PDE4DIP: variants seen among roughly 807,000 people sequenced by gnomAD.
PDE4DIP encodes phosphodiesterase 4D interacting protein.
Under a neutral mutation model 221.4 loss-of-function variants are expected in PDE4DIP, and 59 were observed. The ratio of observed to expected loss-of-function variants is 0.27; its 90% CI spans 0.22 to 0.33. PDE4DIP has a LOEUF of 0.33. PDE4DIP is among the 10% of genes least tolerant of loss of function. The probability of loss-of-function intolerance (pLI) is 1.00; values close to 1 mark genes in which losing one functional copy is unlikely to be tolerated. For missense variants in PDE4DIP, 1,036 were observed against 2,154.2 expected (o/e 0.48, Z 10.28); for synonymous variants, 404 against 815.9 (o/e 0.50, Z 8.60).
At chr1:149,001,924 T>C (rs782588727) in exon 24 of PDE4DIP, 3 of 1,604,304 alleles carry the variant, frequency 1.9e-6, no homozygotes, top group East Asian at 2.2e-5. Flanking sequence ...TTGGTTCCCC[T>C]GGGAAGCACC....
At chr1:148,933,559 TCAA>T (rs1325271710) in intron 4 of PDE4DIP, among the ~76,000 whole-genome samples, 3 of 152,188 alleles carry the variant, frequency 2.0e-5, no homozygotes, top group African/African-American at 4.8e-5. Flanking sequence ...AATAGATAAT[TCAA>T]CAACAACAAA....
At chr1:148,985,954 A>C (rs2061842504) in intron 21 of PDE4DIP, 1 of 152,208 alleles carries the variant, frequency 6.6e-6, no homozygotes, top group Non-Finnish European at 1.5e-5. Context: ...CATAGCTCCA[A>C]GATATTGACC....
intron 27 of PDE4DIP, among the ~76,000 whole-genome samples, chr1:149,006,118 G>C (rs1368690785): frequency 2.6e-5 from 4 of 151,968 alleles, no homozygotes; most frequent in Non-Finnish European, 5.9e-5. Context: ...GGGTGACAGA[G>C]CAAGAGTCTG....
intron 3 of PDE4DIP, 91 bp from the exon 7 acceptor site, chr1:148,932,022 T>C: frequency 1.5e-6 from 1 of 683,616 alleles, no homozygotes; most frequent in South Asian, 1.8e-5. Flanking sequence ...CGTCTCTACT[T>C]TCCCTCTGAA....
rs782423417 is a variant in PDE4DIP at position 148,968,832 on chromosome 1, T to C, written c.1786-4T>C. On this transcript the variant is annotated splice_region_variant and splice_polypyrimidine_tract_variant and intron_variant, in intron 13 of 43. Transcript: ENST00000369354. ...AGAAGCTTACAGTGTCCTTTCTGCA[T>C]TAGGATCTTAGTGCAACACTGCTCT... 8.1e-6 allele frequency: 13 copies of C among 1,604,960 alleles called. No homozygotes were observed. The highest frequency in any genetic ancestry group is 4.0e-5 in the African/African-American group (3 of 74,714).
At chr1:148,944,872 GA>G (rs1236887856) in intron 5 of PDE4DIP, among the ~76,000 whole-genome samples, 4 of 151,746 alleles carry the variant, frequency 2.6e-5, no homozygotes, top group Non-Finnish European at 1.5e-5. Context: ...CTCCGTCTCG[GA>G]AAAAAACAAA....
intron 5 of PDE4DIP, among the ~76,000 whole-genome samples, chr1:148,954,173 T>C (rs1553499105): frequency 2.0e-5 from 3 of 152,222 alleles, no homozygotes; most frequent in Non-Finnish European, 4.4e-5. Flanking sequence ...TAAAGATTCC[T>C]ACTTCACTTT....
chr1:148,948,620 C>A (rs587776191), intron 5 of PDE4DIP, among the ~76,000 whole-genome samples: 52 of 152,076 alleles, frequency 3.4e-4, no homozygotes, highest in Non-Finnish European at 7.2e-4. Context: ...CCAAAGAAAT[C>A]CCTCAAATTA....
At chr1:149,031,595 T>C (rs76158683) in intron 43 of PDE4DIP, among the ~76,000 whole-genome samples, 6 of 140,618 alleles carry the variant, frequency 4.3e-5, no homozygotes, top group Non-Finnish European at 7.7e-5. Flanking sequence ...GCATGTTTCA[T>C]GCTAAGCACT....
At chr1:149,018,614 G>A in exon 35 of PDE4DIP, 1 of 1,613,460 alleles carries the variant, frequency 6.2e-7, no homozygotes. Flanking sequence ...AGAGTCCTCA[G>A]GGAAGACAAT....
chr1:148,887,370 A>AC (rs1696461156), upstream of PDE4DIP, among the ~76,000 whole-genome samples: 4 of 150,904 alleles, frequency 2.7e-5, no homozygotes. Flanking sequence ...TAATCCCAGC[A>AC]CTTTGGGAGG....
chr1:148,981,127 C>A lies in PDE4DIP; in HGVS notation c.2688-143C>A. Reference sequence around the variant, plus strand: ...GAACACAAATGCCACACAAAGACTACATTCATTTATTGTGTCCTGGAGAAC... The same window carrying A: ...GAACACAAATGCCACACAAAGACTAAATTCATTTATTGTGTCCTGGAGAAC... On this transcript the variant is annotated intron_variant, in intron 20 of 43. Transcript: ENST00000369354. 4.1e-6 allele frequency: 3 copies of A among 731,504 alleles called. No individual in the cohort carries two copies. In the Admixed American group the frequency reaches 6.6e-5, roughly 16 times the overall value. 45.3% of individuals were successfully genotyped at this position (731,504 alleles called of 1,614,324 possible). A position where few individuals can be genotyped will look rare whatever the true frequency, so the allele number is the denominator to read the frequency against.
exon 19 of PDE4DIP, chr1:148,978,367 T>C: frequency 3.1e-6 from 5 of 1,612,070 alleles, no homozygotes; most frequent in Non-Finnish European, 3.4e-6. Flanking sequence ...AAAAAGTTGC[T>C]TCAGTAGAAT....
intron 1 of PDE4DIP, among the ~76,000 whole-genome samples, chr1:148,927,443 T>C (rs641666): frequency 0.015 from 2,339 of 151,718 alleles, 48 homozygotes; most frequent in Non-Finnish European, 0.024. Flanking sequence ...ATATCTAAAC[T>C]AGGTTTCTAC....
rs147670655 is a variant in PDE4DIP, at chr1:149,010,512, G to A, written c.4997G>A (p.Gly1666Glu). The A allele has an allele frequency of 2.0e-5, 33 of 1,612,802 alleles. No individual in the cohort carries two copies. The African/African-American group carries it at 3.3e-4, about 16-fold the overall frequency. Reference sequence around the variant, plus strand: ...CCATCATCAACCAGTGCATCTCAGGGGGCTAAGGCCGAATCCAACAGCAAC... The same window carrying A: ...CCATCATCAACCAGTGCATCTCAGGAGGCTAAGGCCGAATCCAACAGCAAC... The change falls in exon 31 of 44, where the codon GGG becomes GAG. Residue 1666 changes from glycine to glutamate, a missense_variant. Gly to Glu is a moderately conservative substitution (Grantham distance 98, BLOSUM62 -2). Transcript: ENST00000369354.
chr1:148,981,372 G>T (rs1553542887), exon 21 of PDE4DIP: 7 of 1,613,944 alleles, frequency 4.3e-6, no homozygotes, highest in Admixed American at 1.7e-5. Context: ...GCTTAAACAG[G>T]CTGGAGACCC....
chr1:148,889,156 T>C (rs1697272240), upstream of PDE4DIP, among the ~76,000 whole-genome samples: 1 of 152,174 alleles, frequency 6.6e-6, no homozygotes, highest in South Asian at 2.1e-4. Flanking sequence ...ATATTTGACA[T>C]GCGGTTACCT....
intron 43 of PDE4DIP, chr1:149,030,740 C>A (rs1553636334): frequency 2.0e-6 from 2 of 985,250 alleles, no homozygotes; most frequent in Non-Finnish European, 2.4e-6. Context: ...TTAAGAACAG[C>A]AATTTGATTT....
intron 20 of PDE4DIP, among the ~76,000 whole-genome samples, chr1:148,980,423 G>T (rs782091169): frequency 6.6e-6 from 1 of 152,046 alleles, no homozygotes; most frequent in Non-Finnish European, 1.5e-5. Context: ...GGCTATAATG[G>T]GCACTGATAT....
Sources: allele counts gnomAD v4.1 joint callset (sites outside exome capture counted in the v4.1 genomes callset), GRCh38; gene constraint gnomAD v4.1.1; transcripts MANE v1.5; gene names NCBI Gene and HGNC (gene_info 2026-07-23, HGNC 2026-07-21).